Variants in NYAP2 observed in about 807,000 individuals in gnomAD.
NYAP2 encodes neuronal tyrosine-phosphorylated phosphoinositide-3-kinase adapter 2.
Under a neutral mutation model 50.4 loss-of-function variants are expected in NYAP2, and 23 were observed. The observed-to-expected ratio is 0.46, with a 90% CI of 0.33 to 0.65. NYAP2 has a LOEUF of 0.65. Among genes scored for constraint, NYAP2 ranks in the 30% least tolerant of loss-of-function variants. The pLI is 0.02. For synonymous variants in NYAP2, 394 were observed against 365.2 expected, an observed-to-expected ratio of 1.08 and a Z score of -0.90; for missense variants, 885 against 861.0, an observed-to-expected ratio of 1.03 and a Z score of -0.35.
chr2:225,626,567 G>A (rs1004035040), intron 5 of NYAP2, among the ~76,000 whole-genome samples: 1 of 152,216 alleles, frequency 6.6e-6, no homozygotes, highest in African/African-American at 2.4e-5. Flanking sequence ...AGATTGGATA[G>A]CGTGGTTTGG....
intron 3 of NYAP2, among the ~76,000 whole-genome samples, chr2:225,471,450 G>A (rs1690011191): frequency 6.6e-6 from 1 of 152,102 alleles, no homozygotes; most frequent in African/African-American, 2.4e-5. Context: ...TTTATTCTCT[G>A]CGTGCAAGAA....
intron 3 of NYAP2, among the ~76,000 whole-genome samples, chr2:225,431,726 G>A (rs185618331): frequency 1.3e-5 from 2 of 152,146 alleles, no homozygotes; most frequent in Non-Finnish European, 2.9e-5. Flanking sequence ...AGCATGTTCC[G>A]GGAACTCATT....
downstream of NYAP2, among the ~76,000 whole-genome samples, chr2:225,656,287 C>T (rs981851517): frequency 7.9e-5 from 12 of 152,162 alleles, no homozygotes; most frequent in Non-Finnish European, 1.6e-4. Flanking sequence ...ATGATACCTG[C>T]GTCCTCACCA....
chr2:225,602,190 G>C (rs1352185988), intron 5 of NYAP2, among the ~76,000 whole-genome samples: 2 of 152,196 alleles, frequency 1.3e-5, no homozygotes, highest in Non-Finnish European at 2.9e-5. Flanking sequence ...GGCCATCTTG[G>C]AGGACCAATT....
intron 4 of NYAP2, among the ~76,000 whole-genome samples, chr2:225,518,333 G>A (rs1690972253): frequency 6.6e-6 from 1 of 151,348 alleles, no homozygotes; most frequent in African/African-American, 2.4e-5. Context: ...GAGTAGCCTG[G>A]TGATCACCAG....
chr2:225,627,110 G>A (rs989073141), exon 6 of NYAP2: 15 of 1,586,798 alleles, frequency 9.5e-6, no homozygotes, highest in Middle Eastern at 1.7e-4. Flanking sequence ...CCTTGTTAGC[G>A]GGAAACCACA....
chr2:225,619,041 C>T (rs1311606009), intron 5 of NYAP2, among the ~76,000 whole-genome samples: 1 of 152,174 alleles, frequency 6.6e-6, no homozygotes, highest in Admixed American at 6.5e-5. Context: ...CAAGTGTCTT[C>T]CTGGTGAACC....
chr2:225,399,872 A>G (rs1339645363), exon 1 of NYAP2: 9 of 152,110 alleles, frequency 5.9e-5, no homozygotes, highest in Admixed American at 2.6e-4. Flanking sequence ...CTCTGTAGTA[A>G]GAACATTTGT....
chr2:225,644,179 C>G (rs1693586150), intron 6 of NYAP2, among the ~76,000 whole-genome samples: 1 of 152,226 alleles, frequency 6.6e-6, no homozygotes, highest in South Asian at 2.1e-4. Context: ...ATTTGCATTT[C>G]TCTGATGGCC....
chr2:225,517,627 C>T (rs1319077670), intron 4 of NYAP2, among the ~76,000 whole-genome samples: 1 of 152,052 alleles, frequency 6.6e-6, no homozygotes, highest in Non-Finnish European at 1.5e-5. Context: ...TGAACTAATG[C>T]CAATGATTGT....
intron 4 of NYAP2, among the ~76,000 whole-genome samples, chr2:225,580,597 CAG>C (rs1207995119): frequency 1.3e-5 from 2 of 152,170 alleles, no homozygotes; most frequent in Non-Finnish European, 2.9e-5. Context: ...ATATTTGAAA[CAG>C]GGGTGATCTA....
rs375939827 is a variant in NYAP2, at chr2:225,646,646, A to T, written c.1829-4786A>T. Among the ~76,000 whole-genome samples the T allele has an allele frequency of 2.0e-5, 3 of 152,230 alleles. No individual in the cohort carries two copies. The East Asian group carries it at 5.8e-4, about 29-fold the overall frequency. On this transcript the variant is annotated intron_variant, in intron 6 of 6. Transcript: ENST00000636099. ...TGTATCTGCCAGTGTATGTATGTGT[A>T]CATTATGAATATATGGTAATGATCT...
At chr2:225,517,022 C>G (rs748427529) in intron 4 of NYAP2, among the ~76,000 whole-genome samples, 4 of 151,688 alleles carry the variant, frequency 2.6e-5, no homozygotes, top group Non-Finnish European at 1.5e-5. Flanking sequence ...CTGGACTCTA[C>G]AAAATGGCTT....
chr2:225,494,804 T>C (rs1434985467), intron 3 of NYAP2, among the ~76,000 whole-genome samples: 4 of 152,192 alleles, frequency 2.6e-5, no homozygotes, highest in Non-Finnish European at 4.4e-5. Flanking sequence ...TGGTGGCTGC[T>C]CACAGCTTGT....
intron 3 of NYAP2, among the ~76,000 whole-genome samples, chr2:225,430,993 A>G (rs567615706): frequency 3.3e-5 from 5 of 152,350 alleles, no homozygotes; most frequent in African/African-American, 1.2e-4. Context: ...AGAGAGAAGG[A>G]AAGATGTAAA....
At chr2:225,404,447 T>C (rs990059635) in intron 2 of NYAP2, among the ~76,000 whole-genome samples, 7 of 151,988 alleles carry the variant, frequency 4.6e-5, no homozygotes, top group Non-Finnish European at 7.4e-5. Flanking sequence ...TGTAAAGAAA[T>C]GGAATGCTAC....
chr2:225,532,027 G>A (rs1252142749), intron 4 of NYAP2, among the ~76,000 whole-genome samples: 3 of 152,200 alleles, frequency 2.0e-5, no homozygotes, highest in East Asian at 1.9e-4. Context: ...TAAGGTTAAA[G>A]AATAATGTTA....
chr2:225,612,203 T>C (rs1192305674), intron 5 of NYAP2, among the ~76,000 whole-genome samples: 1 of 150,514 alleles, frequency 6.6e-6, no homozygotes, highest in East Asian at 2.0e-4. Flanking sequence ...TAAGATGTAC[T>C]ACCTAGATTT....
At chr2:225,528,333 A>G (rs1280267353) in intron 4 of NYAP2, among the ~76,000 whole-genome samples, 3 of 152,222 alleles carry the variant, frequency 2.0e-5, no homozygotes, top group Non-Finnish European at 4.4e-5. Flanking sequence ...TGGCAAATAA[A>G]TAGGGTAAAA....
Sources: gnomAD v4.1 joint callset for allele counts (sites outside exome capture counted in the v4.1 genomes callset) on GRCh38, gnomAD v4.1.1 for gene constraint, MANE v1.5 for transcripts, NCBI Gene and HGNC (gene_info 2026-07-23, HGNC 2026-07-21) for gene names.